Variants in NCOA1 observed in about 807,000 individuals in gnomAD.
NCOA1 encodes nuclear receptor coactivator 1.
NCOA1 carries 35 observed loss-of-function variants against 150.9 expected under a neutral mutation model. The ratio of observed to expected loss-of-function variants is 0.23; its 90% CI spans 0.18 to 0.31. The LOEUF (loss-of-function observed/expected upper bound fraction) is 0.31, where lower values mean the gene tolerates loss of function less well. NCOA1 is among the 10% of genes least tolerant of loss of function. The probability of loss-of-function intolerance (pLI) is 1.00; values close to 1 mark genes in which losing one functional copy is unlikely to be tolerated. For synonymous variants in NCOA1, 590 were observed against 630.0 expected, an observed-to-expected ratio of 0.94 and a Z score of 0.95; for missense variants, 1,491 against 1,749.3, an observed-to-expected ratio of 0.85 and a Z score of 2.63.
At chr2:24,615,509 A>G (rs949466619) in intron 3 of NCOA1, among the ~76,000 whole-genome samples, 2 of 152,156 alleles carry the variant, frequency 1.3e-5, no homozygotes, top group Non-Finnish European at 2.9e-5. Context: ...TCTCTGCAGG[A>G]GATTGTAGTA....
intron 1 of NCOA1, among the ~76,000 whole-genome samples, chr2:24,532,533 T>G (rs1044960484): frequency 2.0e-4 from 30 of 152,240 alleles, no homozygotes; most frequent in African/African-American, 7.2e-4. Flanking sequence ...TGCCCATGCC[T>G]ATGTCCTGAA....
At chr2:24,536,783 G>C (rs1665165061) in intron 1 of NCOA1, among the ~76,000 whole-genome samples, 1 of 152,170 alleles carries the variant, frequency 6.6e-6, no homozygotes, top group Admixed American at 6.5e-5. Flanking sequence ...ACCAGTGGAG[G>C]CTGCAGAACA....
At chr2:24,733,437 T>C (rs1663121471) in intron 17 of NCOA1, among the ~76,000 whole-genome samples, 1 of 152,138 alleles carries the variant, frequency 6.6e-6, no homozygotes, top group Admixed American at 6.5e-5. Context: ...ATACAACTAT[T>C]TATATAGAAA....
intron 1 of NCOA1, among the ~76,000 whole-genome samples, chr2:24,523,942 A>G (rs1009519620): frequency 2.7e-5 from 4 of 149,522 alleles, no homozygotes; most frequent in Admixed American, 6.6e-5. Flanking sequence ...AAAAAAAAAA[A>G]AAAAAAAAAA....
intron 1 of NCOA1, among the ~76,000 whole-genome samples, chr2:24,498,832 A>G (rs1663334210): frequency 6.6e-6 from 1 of 152,184 alleles, no homozygotes; most frequent in African/African-American, 2.4e-5. Context: ...TTTTCTTGGC[A>G]GGTTTTATAC....
chr2:24,595,787 C>T (rs184453977), intron 3 of NCOA1, among the ~76,000 whole-genome samples: 2 of 152,048 alleles, frequency 1.3e-5, no homozygotes, highest in African/African-American at 4.8e-5. Flanking sequence ...ACTAGGCAAG[C>T]AGGTATTAGT....
intron 22 of NCOA1, among the ~76,000 whole-genome samples, chr2:24,763,818 C>T (rs564988127): frequency 3.0e-4 from 46 of 151,836 alleles, no homozygotes; most frequent in Admixed American, 1.1e-3. Context: ...GACAGGTTTT[C>T]GCCATTTTGA....
At chr2:24,729,239 T>C (rs1220887789) in intron 16 of NCOA1, among the ~76,000 whole-genome samples, 1 of 152,236 alleles carries the variant, frequency 6.6e-6, no homozygotes, top group Non-Finnish European at 1.5e-5. Flanking sequence ...TGAAGTTTTT[T>C]CCCAAACCTT....
intron 1 of NCOA1, among the ~76,000 whole-genome samples, chr2:24,514,715 C>T (rs1361127348): frequency 6.6e-6 from 1 of 151,740 alleles, no homozygotes; most frequent in Non-Finnish European, 1.5e-5. Flanking sequence ...GAGGTCGAGA[C>T]TGCAGTGAGT....
At position 24,770,356 on chromosome 2, in the gene NCOA1, G is replaced by GAAAA. The variant is rs201536500; in HGVS notation, c.*1971_*1974dup. The GAAAA allele has an allele frequency of 4.4e-6, 1 of 227,288 alleles. No individual in the cohort carries two copies. The highest frequency in any genetic ancestry group is 2.2e-5 in the African/African-American group (1 of 44,604). 14.1% of individuals were successfully genotyped at this position (227,288 alleles called of 1,614,324 possible). A position where few individuals can be genotyped will look rare whatever the true frequency, so the allele number is the denominator to read the frequency against. ...CTCAGTGCTTTTGCATAAGGAACTA[G>GAAAA]AAAAAAAAAGTAAGGAAAATTGGAG... On this transcript the variant is annotated 3_prime_UTR_variant, in exon 23 of 23. Coordinates refer to ENST00000348332, the MANE Select transcript of NCOA1 (RefSeq NM_003743.5).
chr2:24,759,649 A>T (rs1289569687), intron 21 of NCOA1, among the ~76,000 whole-genome samples: 1 of 152,188 alleles, frequency 6.6e-6, no homozygotes, highest in Non-Finnish European at 1.5e-5. Context: ...TGCAGCCATC[A>T]TTTATAGGCA....
At chr2:24,681,476 G>A (rs560919246) in intron 7 of NCOA1, among the ~76,000 whole-genome samples, 4 of 144,860 alleles carry the variant, frequency 2.8e-5, no homozygotes, top group Admixed American at 1.3e-4. Flanking sequence ...TCAGTATCAC[G>A]TCATTTTCAG....
chr2:24,507,982 G>A (rs895457124), intron 1 of NCOA1, among the ~76,000 whole-genome samples: 1 of 152,030 alleles, frequency 6.6e-6, no homozygotes, highest in African/African-American at 2.4e-5. Flanking sequence ...ATTATAGCAT[G>A]TGCTCATATT....
intron 3 of NCOA1, among the ~76,000 whole-genome samples, chr2:24,634,128 G>T (rs1669828297): frequency 6.6e-6 from 1 of 151,828 alleles, no homozygotes; most frequent in Non-Finnish European, 1.5e-5. Flanking sequence ...ATTGTTTATG[G>T]ATATGTGTAT....
intron 14 of NCOA1, among the ~76,000 whole-genome samples, chr2:24,720,505 G>GT (rs945976560): frequency 3.9e-5 from 6 of 152,168 alleles, no homozygotes; most frequent in Admixed American, 3.9e-4. Flanking sequence ...GCCAGAATCT[G>GT]TTTCACCTCG....
At chr2:24,616,892 G>C (rs748502207) in intron 3 of NCOA1, among the ~76,000 whole-genome samples, 1 of 152,144 alleles carries the variant, frequency 6.6e-6, no homozygotes, top group Admixed American at 6.5e-5. Context: ...AATCCAGTCT[G>C]TAAAAAATTG....
At chr2:24,550,823 G>A (rs1665796483) in intron 1 of NCOA1, among the ~76,000 whole-genome samples, 2 of 152,138 alleles carry the variant, frequency 1.3e-5, no homozygotes, top group Admixed American at 1.3e-4. Flanking sequence ...AAAATGCTCT[G>A]ATAGGCTGGG....
Position 24,762,759 on chromosome 2 carries a change from G to A in NCOA1, c.4138G>A (p.Glu1380Lys), listed in dbSNP as rs1164231722. The A allele has an allele frequency of 3.7e-6, 6 of 1,613,788 alleles. No individual in the cohort carries two copies. Among genetic ancestry groups the A allele is most frequent in the Non-Finnish European group, 5.1e-6 (6 of 1,179,840 alleles). ...QLSSTDLLKT[E>K]ADGTQQVQQV... ...CTCATCCACTGACCTTCTCAAAACA[G>A]AAGCAGATGGAACCCAGGTCAGTAA... The change falls in exon 22 of 23, where the codon GAA (glutamate) becomes AAA (lysine). Residue 1380 changes from glutamate to lysine, a missense_variant. This residue lies in a region of NCOA1 where 46 missense variants were observed against 78.8 expected (regional missense o/e 0.58). Coordinates refer to ENST00000348332, the MANE Select transcript of NCOA1 (RefSeq NM_003743.5).
chr2:24,559,964 G>A (rs201608335), intron 1 of NCOA1, among the ~76,000 whole-genome samples: 21 of 152,088 alleles, frequency 1.4e-4, no homozygotes, highest in Admixed American at 1.2e-3. Context: ...CTAGTGGCTT[G>A]AGGCTTTTTT....
Sources: gnomAD v4.1 joint callset for allele counts (sites outside exome capture counted in the v4.1 genomes callset) on GRCh38, gnomAD v4.1.1 for gene constraint, gnomAD v4.1.1 regional missense constraint, MANE v1.5 for transcripts, NCBI Gene and HGNC (gene_info 2026-07-23, HGNC 2026-07-21) for gene names.